The following MTR variants were observed in gnomAD, a reference collection of about 807,000 sequenced individuals.
MTR encodes the protein methionine synthase.
MTR carries 84 observed loss-of-function variants against 154.8 expected under a neutral mutation model. That is an observed-to-expected ratio of 0.54 (90% CI 0.45 to 0.65). MTR has a LOEUF of 0.65. Ranked by LOEUF, MTR falls within the 30% of genes least tolerant of loss-of-function variation. The pLI is 0.00. For synonymous variants in MTR, 554 were observed against 553.9 expected (o/e 1.00, Z 0.00); for missense variants, 1,275 against 1,570.2 (o/e 0.81, Z 3.18).
chr1:236,880,755 A>G lies in MTR; in HGVS notation c.2595A>G (p.Lys865=), dbSNP rs1017678242. 6.2e-6 allele frequency: 10 copies of G among 1,613,816 alleles called. No homozygotes were observed. The African/African-American group carries it at 9.3e-5, about 15-fold the overall frequency. Residue 865 remains lysine, a splice_region_variant and synonymous_variant, in exon 25 of 33, where the codon AAA becomes AAG. Coordinates refer to ENST00000366577, the MANE Select transcript of MTR (RefSeq NM_000254.3). ...PLLIGGATTS[K]THTAVKIAPR... is the part of the protein sequence containing the mutation. ...TTTTCTTTCTGACCCTTCTTTTTAG[A>G]ACCCACACAGCAGTTAAAATAGCTC...
At chr1:236,862,508 C>T (rs1664601642) in intron 21 of MTR, among the ~76,000 whole-genome samples, 165 bp downstream of exon 21, 1 of 152,146 alleles carries the variant, frequency 6.6e-6, no homozygotes, top group African/African-American at 2.4e-5. Context: ...TCAGAATACT[C>T]TGGGACTTTC....
chr1:236,879,539 A>T (rs1303720592), intron 24 of MTR, among the ~76,000 whole-genome samples: 3 of 152,172 alleles, frequency 2.0e-5, no homozygotes, highest in Admixed American at 6.5e-5. Context: ...TGCCCATCTC[A>T]TGGGGACTGC....
chr1:236,874,998 T>G (rs749374380), intron 24 of MTR, 152 bp downstream of exon 24: 32 of 926,456 alleles, frequency 3.5e-5, no homozygotes, highest in Non-Finnish European at 5.3e-5. Flanking sequence ...TGGTGTTCAC[T>G]TGGGTGAGAG....
chr1:236,819,925 C>T lies in MTR; in HGVS notation c.764+3382C>T. 3.0e-6 allele frequency: 3 copies of T among 1,010,464 alleles called. No individual in the cohort carries two copies. In the South Asian group the frequency reaches 3.8e-5, roughly 13 times the overall value. 62.6% of individuals were successfully genotyped at this position (1,010,464 alleles called of 1,614,324 possible). On this transcript the variant is annotated intron_variant, in intron 8 of 32. Transcript: ENST00000366577. ...AAGTTTGCTGCTGCCACTGGAGCCA[C>T]TCCAGTTGCTGGCCGCTTCACTTCT...
intron 1 of MTR, 147 bp downstream of exon 1, chr1:236,795,884 A>T (rs998034167): frequency 5.2e-5 from 63 of 1,211,230 alleles, no homozygotes; most frequent in Non-Finnish European, 7.5e-5. Flanking sequence ...AACTTAGCGC[A>T]GGAGCCCGGA....
intron 27 of MTR, among the ~76,000 whole-genome samples, chr1:236,887,093 G>A (rs1164110528): frequency 1.3e-5 from 2 of 152,156 alleles, no homozygotes; most frequent in African/African-American, 2.4e-5. Context: ...AGACACAAAT[G>A]CAAAACCAAG....
At chr1:236,802,329 G>C (rs1223831281) in intron 1 of MTR, among the ~76,000 whole-genome samples, 1 of 152,164 alleles carries the variant, frequency 6.6e-6, no homozygotes, top group East Asian at 1.9e-4. Context: ...TTTAAAAGCT[G>C]GGTCTAAGAT....
chr1:236,874,818 T>C lies in MTR; in HGVS notation c.2566T>C (p.Leu856=). Residue 856 remains leucine (L), a synonymous_variant, in exon 24 of 33, where the codon TTG becomes CTG. Coordinates refer to ENST00000366577, the MANE Select transcript of MTR (RefSeq NM_000254.3). The stretch of plus-strand genomic sequence containing the variant: ...GGAGAGATTAGCTATAAGGATTCCA[T>C]TGTTGATTGGAGGAGCAACCACTTC... The part of the protein sequence containing the change: ...EMERLAIRIP[L]LIGGATTSKT... 2 of 1,613,914 alleles carry C rather than the reference T, an allele frequency of 1.2e-6. No homozygotes were observed. Among genetic ancestry groups the C allele is most frequent in the Non-Finnish European group, 1.7e-6 (2 of 1,179,886 alleles).
intron 13 of MTR, among the ~76,000 whole-genome samples, chr1:236,833,472 A>G (rs1164726903): frequency 6.6e-6 from 1 of 152,142 alleles, no homozygotes; most frequent in Non-Finnish European, 1.5e-5. Flanking sequence ...AGGTGTAGAG[A>G]TGGAGGCTTG....
rs775841153 is a variant in MTR, at chr1:236,889,381, G to A, written c.3007+45G>A. Reference sequence around the variant, plus strand: ...CCTTTCTGCCTCTGATATTCAAGCTGTGGGATTGTGACTTTGAAGACCGGA... The same window carrying A: ...CCTTTCTGCCTCTGATATTCAAGCTATGGGATTGTGACTTTGAAGACCGGA... On this transcript the variant is annotated intron_variant, in intron 28 of 32. Coordinates refer to ENST00000366577, the MANE Select transcript of MTR (RefSeq NM_000254.3). 3 of 1,611,780 alleles carry A rather than the reference G, an allele frequency of 1.9e-6. No individual in the cohort carries two copies. In the East Asian group the frequency reaches 6.7e-5, roughly 36 times the overall value.
chr1:236,859,949 G>C, intron 19 of MTR, 27 bp downstream of exon 19: 1 of 1,596,044 alleles, frequency 6.3e-7, no homozygotes, highest in Non-Finnish European at 8.6e-7. Context: ...TGAACTGGAG[G>C]GCTGGAGGCT....
At chr1:236,868,494 A>G (rs1664944715) in intron 22 of MTR, among the ~76,000 whole-genome samples, 1 of 152,210 alleles carries the variant, frequency 6.6e-6, no homozygotes, top group South Asian at 2.1e-4. Flanking sequence ...TCTGTATTCT[A>G]AATTCCCCTC....
Position 236,795,378 on chromosome 1 carries a change from G to C in MTR, c.-326G>C. On this transcript the variant is annotated 5_prime_UTR_variant, in exon 1 of 33. Coordinates refer to ENST00000366577, the MANE Select transcript of MTR (RefSeq NM_000254.3). ...CGTCCTCCTCTGCCGGTTTTCTCTT[G>C]GGTCCTTTTCCGTGCCGTCCCGCGA... is the stretch of plus-strand genomic sequence containing the variant. The C allele has an allele frequency of 7.2e-7, 1 of 1,393,234 alleles. No homozygotes were observed. The highest frequency in any genetic ancestry group is 9.5e-7 in the Non-Finnish European group (1 of 1,055,788). 86.3% of individuals were successfully genotyped at this position (1,393,234 alleles called of 1,614,324 possible).
rs189277550 is a variant in MTR at position 236,846,405 on chromosome 1, G to T, written c.1516-3939G>T. Among the ~76,000 whole-genome samples, 307 of 152,170 alleles carry T rather than the reference G, an allele frequency of 2.0e-3. 1 individual carries two copies. Among genetic ancestry groups the T allele is most frequent in the African/African-American group, 7.0e-3 (291 of 41,524 alleles). On this transcript the variant is annotated intron_variant, in intron 15 of 32. Transcript: ENST00000366577. ...CATAATAGCAGAATAGTCTATATTAGTTTTTGTTTGCACATGTGTAAACTA... is the reference window on the plus strand; with the variant it reads ...CATAATAGCAGAATAGTCTATATTATTTTTTGTTTGCACATGTGTAAACTA...
chr1:236,842,682 T>G (rs1342087770), intron 15 of MTR, among the ~76,000 whole-genome samples: 1 of 151,776 alleles, frequency 6.6e-6, no homozygotes, highest in Non-Finnish European at 1.5e-5. Flanking sequence ...CTATCCCTAT[T>G]CTAATCTCTG....
At chr1:236,834,424 C>T (rs1017653273) in intron 13 of MTR, among the ~76,000 whole-genome samples, 1 of 152,178 alleles carries the variant, frequency 6.6e-6, no homozygotes, top group Non-Finnish European at 1.5e-5. Flanking sequence ...AAGTGATCTG[C>T]CTGTCTCGGC....
At chr1:236,872,275 C>T (rs1252726219) in intron 22 of MTR, among the ~76,000 whole-genome samples, 1 of 152,124 alleles carries the variant, frequency 6.6e-6, no homozygotes, top group East Asian at 1.9e-4. Flanking sequence ...AGAGTGTGCT[C>T]CAGGCTTCCT....
At position 236,820,004 on chromosome 1, in the gene MTR, G is replaced by T. The variant is rs1661830344; in HGVS notation, c.764+3461G>T. 5 of 1,103,810 alleles carry T rather than the reference G, an allele frequency of 4.5e-6. No homozygotes were observed. The South Asian group carries it at 6.2e-5, about 14-fold the overall frequency. 68.4% of individuals were successfully genotyped at this position (1,103,810 alleles called of 1,614,324 possible). ...CCTTCCGGGAGCCATGGCTTCTTGT[G>T]GTTACTGACTCGAGGGCTGACCAGC... On this transcript the variant is annotated intron_variant, in intron 8 of 32. Transcript: ENST00000366577.
chr1:236,823,825 T>TTTTTTTTC (rs1662124646), intron 8 of MTR, among the ~76,000 whole-genome samples: 1 of 140,522 alleles, frequency 7.1e-6, no homozygotes, highest in African/African-American at 2.6e-5. Flanking sequence ...TTTTTTTTTT[T>TTTTTTTTC]TTTTAGCAGT....
Sources: gnomAD v4.1 joint callset for allele counts (sites outside exome capture counted in the v4.1 genomes callset) on GRCh38, gnomAD v4.1.1 for gene constraint, MANE v1.5 for transcripts, NCBI Gene and HGNC (gene_info 2026-07-23, HGNC 2026-07-21) for gene names.